RBMS2: variants seen among roughly 807,000 people sequenced by gnomAD.
RBMS2 encodes the protein RNA binding motif single stranded interacting protein 2.
A neutral mutation model predicts 58.4 loss-of-function variants in RBMS2; 38 were observed. The observed-to-expected ratio is 0.65, with a 90% CI of 0.50 to 0.85. RBMS2 has a LOEUF of 0.85. Among genes scored for constraint, RBMS2 ranks in the 40% least tolerant of loss-of-function variants. RBMS2 has a pLI of 0.00. For synonymous variants in RBMS2, 151 were observed against 180.7 expected, an observed-to-expected ratio of 0.84 and a Z score of 1.32; for missense variants, 367 against 503.7, an observed-to-expected ratio of 0.73 and a Z score of 2.60.
In RBMS2 at chr12:56,595,868, T is replaced by C. The variant is rs1055806329; in HGVS notation, c.*6735T>C. On this transcript the variant is annotated 3_prime_UTR_variant, in exon 14 of 14. Coordinates refer to ENST00000262031, the MANE Select transcript of RBMS2 (RefSeq NM_002898.4). ...TGGTCTCTTAAGCCAGTCATACCTATCCCAACGCCGTCTCCCCCTCAGGTG... is the reference window on the plus strand; with the variant it reads ...TGGTCTCTTAAGCCAGTCATACCTACCCCAACGCCGTCTCCCCCTCAGGTG... The C allele has an allele frequency of 7.2e-6, 1 of 139,046 alleles. No homozygotes were observed. Among genetic ancestry groups the C allele is most frequent in the African/African-American group, 2.7e-5 (1 of 36,726 alleles). 8.6% of individuals were successfully genotyped at this position (139,046 alleles called of 1,614,324 possible).
chr12:56,553,714 G>A (rs781581366), intron 1 of RBMS2, among the ~76,000 whole-genome samples: 5 of 151,608 alleles, frequency 3.3e-5, no homozygotes, highest in South Asian at 4.2e-4. Flanking sequence ...TGATCCACCC[G>A]CCTTGGTCTC....
intron 1 of RBMS2, among the ~76,000 whole-genome samples, chr12:56,536,712 C>T (rs866776571): frequency 1.3e-5 from 2 of 151,278 alleles, no homozygotes; most frequent in African/African-American, 2.4e-5. Flanking sequence ...GGACTACAGG[C>T]GTTTGCCACC....
intron 1 of RBMS2, among the ~76,000 whole-genome samples, chr12:56,543,768 A>G (rs1413535325): frequency 6.6e-6 from 1 of 151,596 alleles, no homozygotes; most frequent in Non-Finnish European, 1.5e-5. Flanking sequence ...CCCAGGTTCA[A>G]GTGATTCTCC....
intron 1 of RBMS2, among the ~76,000 whole-genome samples, chr12:56,536,146 G>C (rs529194280): frequency 4.1e-5 from 6 of 145,880 alleles, no homozygotes; most frequent in Non-Finnish European, 8.9e-5. Flanking sequence ...TTTGCAGTGA[G>C]CTGAGATCAC....
intron 11 of RBMS2, 163 bp downstream of exon 11, chr12:56,587,827 C>T: frequency 1.4e-6 from 1 of 701,242 alleles, no homozygotes; most frequent in Non-Finnish European, 1.8e-6. Flanking sequence ...GCTCCATGAG[C>T]CAGGAATACA....
intron 1 of RBMS2, among the ~76,000 whole-genome samples, chr12:56,524,914 G>C (rs1029238460): frequency 6.6e-6 from 1 of 151,844 alleles, no homozygotes; most frequent in Admixed American, 6.6e-5. Flanking sequence ...TAGAGACGGG[G>C]TTTCATCATG....
At chr12:56,566,104 C>A (rs1881294085) in intron 2 of RBMS2, among the ~76,000 whole-genome samples, 2 of 152,150 alleles carry the variant, frequency 1.3e-5, no homozygotes, top group Admixed American at 1.3e-4. Flanking sequence ...CCATCCTCAC[C>A]CTCCTTTTAA....
Position 56,588,900 on chromosome 12 carries a change from C to T in RBMS2, c.1144-32C>T, listed in dbSNP as rs766275032. The T allele has an allele frequency of 2.5e-6, 4 of 1,609,976 alleles. No homozygotes were observed. The Admixed American group carries it at 5.0e-5, about 20-fold the overall frequency. On this transcript the variant is annotated intron_variant, in intron 12 of 13. Transcript: ENST00000262031. The stretch of plus-strand genomic sequence containing the variant: ...TAGTGGAGGTGAGGAAAGGAATGCG[C>T]AAGATGACCCCCCTCCTTGGCTATG...
At chr12:56,567,435 G>C (rs114821035) in intron 2 of RBMS2, among the ~76,000 whole-genome samples, 2,673 of 151,136 alleles carry the variant, frequency 0.018, 91 homozygotes, top group African/African-American at 0.062. Flanking sequence ...GGAAGAGGAA[G>C]GAGAGGAAGA....
At chr12:56,532,530 G>A (rs956765292) in intron 1 of RBMS2, among the ~76,000 whole-genome samples, 3 of 116,568 alleles carry the variant, frequency 2.6e-5, no homozygotes, top group Non-Finnish European at 4.0e-5. Flanking sequence ...CAACAAGAGC[G>A]AAACTCTGTC....
At chr12:56,573,820 GC>G (rs1409845480) in intron 5 of RBMS2, among the ~76,000 whole-genome samples, 1 of 151,636 alleles carries the variant, frequency 6.6e-6, no homozygotes, top group Non-Finnish European at 1.5e-5. Context: ...ACCACGCCTG[GC>G]TAATTTTTGT....
chr12:56,534,633 A>C (rs1874403268), intron 1 of RBMS2, among the ~76,000 whole-genome samples: 1 of 152,010 alleles, frequency 6.6e-6, no homozygotes, highest in South Asian at 2.1e-4. Context: ...GTTATTAAGT[A>C]AATGTTTATT....
intron 5 of RBMS2, among the ~76,000 whole-genome samples, chr12:56,574,500 G>A (rs1882822018): frequency 6.6e-6 from 1 of 152,174 alleles, no homozygotes; most frequent in Non-Finnish European, 1.5e-5. Flanking sequence ...TTGAAGCAGT[G>A]TACAATTTTG....
rs74091895 is a variant in RBMS2 at position 56,568,841 on chromosome 12, T to C, written c.234-134T>C. On this transcript the variant is annotated intron_variant, in intron 2 of 13. Transcript: ENST00000262031. ...TACTGCACCCGGCCCCCGTTTCTTT[T>C]TTATTTTTATGAAGGTTTGAGTAGG... is the stretch of plus-strand genomic sequence containing the variant. The C allele has an allele frequency of 2.9e-3, 2,241 of 781,724 alleles. 26 individuals carry two copies. In the African/African-American group the frequency reaches 0.03, roughly 11 times the overall value. The allele number at this position is 781,724 out of a possible 1,614,324, so 48.4% of individuals were successfully genotyped here.
chr12:56,522,391 A>G (rs372425271), intron 1 of RBMS2, among the ~76,000 whole-genome samples: 2 of 152,120 alleles, frequency 1.3e-5, no homozygotes, highest in Non-Finnish European at 2.9e-5. Flanking sequence ...TGATGTATCA[A>G]TCTCCACAAG....
intron 9 of RBMS2, among the ~76,000 whole-genome samples, chr12:56,584,431 CAAAAA>C (rs1209646153): frequency 2.3e-5 from 2 of 87,610 alleles, no homozygotes; most frequent in Non-Finnish European, 4.8e-5. Flanking sequence ...GACCATGTCT[CAAAAA>C]AAAAAAAAAA....
intron 1 of RBMS2, among the ~76,000 whole-genome samples, chr12:56,543,270 G>A (rs1427736695): frequency 4.0e-5 from 6 of 151,220 alleles, no homozygotes; most frequent in African/African-American, 7.3e-5. Flanking sequence ...ATCACCTGAC[G>A]TCAGGAGTTC....
At position 56,554,252 on chromosome 12, in the gene RBMS2, A is replaced by G. The variant is rs77275778; in HGVS notation, c.67-8165A>G. On this transcript the variant is annotated intron_variant, in intron 1 of 13. Transcript: ENST00000262031. ...TTCCCCTATCAGCTGTCAAGGATCC[A>G]GGAGAACTTGAGATGCCTTTGTGGA... Among the ~76,000 whole-genome samples, 18 of 152,322 alleles carry G rather than the reference A, an allele frequency of 1.2e-4. No individual in the cohort carries two copies. In the East Asian group the frequency reaches 3.5e-3, roughly 29 times the overall value.
At chr12:56,586,530 T>A (rs561857345) in intron 9 of RBMS2, among the ~76,000 whole-genome samples, 34 of 151,796 alleles carry the variant, frequency 2.2e-4, no homozygotes, top group Non-Finnish European at 3.7e-4. Context: ...TATTTGTATA[T>A]CTTCTTAGAG....
Sources: allele counts gnomAD v4.1 joint callset (sites outside exome capture counted in the v4.1 genomes callset), GRCh38; gene constraint gnomAD v4.1.1; transcripts MANE v1.5; gene names NCBI Gene and HGNC (gene_info 2026-07-23, HGNC 2026-07-21).